GNPNAT1: variants seen among roughly 807,000 people sequenced by gnomAD.
GNPNAT1 encodes the protein glucosamine 6-phosphate N-acetyltransferase.
GNPNAT1 carries 11 observed loss-of-function variants against 19.8 expected under a neutral mutation model. That is an observed-to-expected ratio of 0.56 (90% CI 0.35 to 0.92). The LOEUF is 0.92. Among genes scored for constraint, GNPNAT1 ranks in the 40% least tolerant of loss-of-function variants. GNPNAT1 has a pLI of 0.01. For missense variants in GNPNAT1, 157 were observed against 211.0 expected (o/e 0.74, Z 1.59); for synonymous variants, 71 against 72.3 (o/e 0.98, Z 0.09).
chr14:52,782,208 A>G (rs1882909277), intron 3 of GNPNAT1, among the ~76,000 whole-genome samples: 1 of 152,112 alleles, frequency 6.6e-6, no homozygotes, highest in Non-Finnish European at 1.5e-5. Flanking sequence ...CACTTCCATG[A>G]CTAATGAAAA....
At chr14:52,779,520 A>C (rs1882828021) in intron 5 of GNPNAT1, among the ~76,000 whole-genome samples, 1 of 152,046 alleles carries the variant, frequency 6.6e-6, no homozygotes, top group Non-Finnish European at 1.5e-5. Flanking sequence ...TTGAGTCCAG[A>C]AGTTCGAGAC....
In GNPNAT1 at chr14:52,784,598, T is replaced by C; in HGVS notation, c.53A>G (p.Asp18Gly). 2 of 1,603,258 alleles carry C rather than the reference T, an allele frequency of 1.2e-6. No individual in the cohort carries two copies. The highest frequency in any genetic ancestry group is 1.7e-6 in the Non-Finnish European group (2 of 1,173,448). Reference protein sequence around the residue: ...MFDPSLLKEVDWSQNTATFSP... With the variant: ...MFDPSLLKEVGWSQNTATFSP... ...AAATGTAGCTGTATTCTGACTCCAGTCCACTTCTTTGAGTAGACTTGGGTC... is the reference window on the plus strand; with the variant it reads ...AAATGTAGCTGTATTCTGACTCCAGCCCACTTCTTTGAGTAGACTTGGGTC... Residue 18 changes from aspartate (D) to glycine (G), a missense_variant, in exon 2 of 6, where the codon GAC becomes GGC. By Grantham distance (94) the Asp-to-Gly change is moderately conservative. Transcript: ENST00000216410.
intron 1 of GNPNAT1, 78 bp from the exon 2 acceptor site, chr14:52,784,742 T>G: frequency 3.4e-6 from 2 of 595,744 alleles, no homozygotes; most frequent in Non-Finnish European, 5.5e-6. Context: ...TTAATATAAA[T>G]TAATGCAATT....
intron 3 of GNPNAT1, 105 bp from the exon 4 acceptor site, chr14:52,782,016 G>T: frequency 1.0e-6 from 1 of 978,656 alleles, no homozygotes; most frequent in Non-Finnish European, 1.4e-6. Context: ...GTTTAAAGCT[G>T]TTTTACCATA....
chr14:52,784,490 A>G lies in GNPNAT1; in HGVS notation c.154+7T>C. The stretch of plus-strand genomic sequence containing the variant: ...ACTCTAATTTTACACAGGATTTTGT[A>G]CATTACCTCTATTTAAGTCAGCAGT... On this transcript the variant is annotated splice_region_variant and intron_variant, in intron 2 of 5. Transcript: ENST00000216410. 6.4e-7 allele frequency: 1 copy of G among 1,559,060 alleles called. No individual in the cohort carries two copies. The highest frequency in any genetic ancestry group is 1.2e-5 in the South Asian group (1 of 81,984).
intron 4 of GNPNAT1, 41 bp downstream of exon 4, chr14:52,781,743 C>A: frequency 6.5e-7 from 1 of 1,549,406 alleles, no homozygotes; most frequent in Non-Finnish European, 8.6e-7. Context: ...GTCAGTTGTG[C>A]TAGAAAACAG....
At chr14:52,781,714 T>A in intron 4 of GNPNAT1, 70 bp downstream of exon 4, 1 of 1,408,040 alleles carries the variant, frequency 7.1e-7, no homozygotes. Context: ...AAAACAGATT[T>A]GTCTAATGGA....
chr14:52,775,655 G>C lies in GNPNAT1; in HGVS notation c.*2656C>G, dbSNP rs977201499. 16 of 152,408 alleles carry C rather than the reference G, an allele frequency of 1.0e-4. No individual in the cohort carries two copies. The highest frequency in any genetic ancestry group is 3.4e-4 in the African/African-American group (14 of 41,582). 9.4% of individuals were successfully genotyped at this position (152,408 alleles called of 1,614,324 possible). A position where few individuals can be genotyped will look rare whatever the true frequency, so the allele number is the denominator to read the frequency against. Reference sequence around the variant, plus strand: ...CATATGTAATCCCAGATACTCTGGAGGCTGAGGCAGAGGATCACTTGAGCT... The same window carrying C: ...CATATGTAATCCCAGATACTCTGGACGCTGAGGCAGAGGATCACTTGAGCT... On this transcript the variant is annotated 3_prime_UTR_variant, in exon 6 of 6. Coordinates refer to ENST00000216410, the MANE Select transcript of GNPNAT1 (RefSeq NM_198066.4).
chr14:52,787,732 C>T (rs1883055692), intron 1 of GNPNAT1: 1 of 152,088 alleles, frequency 6.6e-6, no homozygotes, highest in Non-Finnish European at 1.5e-5. Context: ...CAGTCATGCA[C>T]TTAGCAGTGC....
chr14:52,785,948 G>A (rs145725463), intron 1 of GNPNAT1, among the ~76,000 whole-genome samples: 2,617 of 149,918 alleles, frequency 0.017, 75 homozygotes, highest in African/African-American at 0.061. Flanking sequence ...ACGGAGTTTC[G>A]CCATGTCAGC....
intron 5 of GNPNAT1, among the ~76,000 whole-genome samples, chr14:52,778,972 T>C (rs987384476): frequency 3.9e-5 from 6 of 152,134 alleles, no homozygotes; most frequent in African/African-American, 1.4e-4. Context: ...GTAGTGATTG[T>C]GCCACTGCAC....
chr14:52,781,719 A>G (rs1281502538), intron 4 of GNPNAT1, 65 bp downstream of exon 4: 73 of 1,457,374 alleles, frequency 5.0e-5, no homozygotes, highest in Non-Finnish European at 6.4e-5. Flanking sequence ...AGATTTGTCT[A>G]ATGGAAACTC....
At chr14:52,786,889 T>TTC (rs1883035455) in intron 1 of GNPNAT1, among the ~76,000 whole-genome samples, 5 of 121,178 alleles carry the variant, frequency 4.1e-5, no homozygotes, top group Non-Finnish European at 8.8e-5. Context: ...TTTTTTTTTT[T>TTC]CAGATTTGGG....
Position 52,778,410 on chromosome 14 carries a change from C to T in GNPNAT1, c.456G>A (p.Lys152=). 1 of 1,609,788 alleles carries T rather than the reference C, an allele frequency of 6.2e-7. No homozygotes were observed. The highest frequency in any genetic ancestry group is 8.5e-7 in the Non-Finnish European group (1 of 1,178,472). ...TLLSKKLNCY[K]ITLECLPQNV... ...TTTGTGGTAGACATTCAAGGGTAAT[C>T]TTGTAACAGTTCAGTTTCTTGCTTA... Residue 152 remains lysine, a synonymous_variant, in exon 6 of 6, where the codon AAG becomes AAA. Transcript: ENST00000216410.
rs1489964509 is a variant in GNPNAT1 at position 52,777,166 on chromosome 14, A to G, written c.*1145T>C. 6.6e-6 allele frequency: 1 copy of G among 152,584 alleles called. No homozygotes were observed. The highest frequency in any genetic ancestry group is 1.5e-5 in the Non-Finnish European group (1 of 68,044). 9.5% of individuals were successfully genotyped at this position (152,584 alleles called of 1,614,324 possible). On this transcript the variant is annotated 3_prime_UTR_variant, in exon 6 of 6. Coordinates refer to ENST00000216410, the MANE Select transcript of GNPNAT1 (RefSeq NM_198066.4). ...TTCTTTACAATTTCATTTTACAAAG[A>G]GCACATTAAACTAAAATTTTATGAA...
intron 5 of GNPNAT1, among the ~76,000 whole-genome samples, chr14:52,780,184 A>C (rs1370728427): frequency 6.6e-6 from 1 of 152,210 alleles, no homozygotes; most frequent in Non-Finnish European, 1.5e-5. Context: ...AAAAACTAAA[A>C]ATTATAATAA....
At chr14:52,784,213 A>T (rs1054195065) in intron 2 of GNPNAT1, among the ~76,000 whole-genome samples, 2 of 152,180 alleles carry the variant, frequency 1.3e-5, no homozygotes, top group Non-Finnish European at 2.9e-5. Flanking sequence ...ATCCCTCCTT[A>T]TGTGTCATCA....
At chr14:52,780,001 C>G (rs1438180453) in intron 5 of GNPNAT1, among the ~76,000 whole-genome samples, 1 of 151,908 alleles carries the variant, frequency 6.6e-6, no homozygotes, top group Non-Finnish European at 1.5e-5. Context: ...GATGAGGCCC[C>G]ATCTCTACAA....
At chr14:52,784,447 G>C in intron 2 of GNPNAT1, 50 bp downstream of exon 2, 5 of 1,397,554 alleles carry the variant, frequency 3.6e-6, no homozygotes, top group Non-Finnish European at 4.8e-6. Context: ...ATAATGTTTA[G>C]AGAAAAATGG....
Sources: allele counts gnomAD v4.1 joint callset (sites outside exome capture counted in the v4.1 genomes callset), GRCh38; gene constraint gnomAD v4.1.1; transcripts MANE v1.5; gene names NCBI Gene and HGNC (gene_info 2026-07-23, HGNC 2026-07-21).